Variants in TRPM1 observed in about 807,000 individuals in gnomAD.
TRPM1 encodes the protein TRPM1-203 APA Isoform, Intron 10.
In TRPM1, 113 loss-of-function variants were observed where a neutral mutation model predicts 149.4. The observed-to-expected ratio is 0.76, with a 90% CI of 0.65 to 0.88. TRPM1 has a LOEUF of 0.88. Ranked by LOEUF, TRPM1 falls within the 40% of genes least tolerant of loss-of-function variation. The pLI, the probability that TRPM1 is intolerant of heterozygous loss-of-function variation, is 0.00. For synonymous variants in TRPM1, 741 were observed against 759.5 expected, an observed-to-expected ratio of 0.98 and a Z score of 0.40; for missense variants, 1,976 against 2,038.7, an observed-to-expected ratio of 0.97 and a Z score of 0.59.
chr15:31,088,686 C>G (rs72712249), intron 1 of TRPM1, among the ~76,000 whole-genome samples: 2 of 152,064 alleles, frequency 1.3e-5, no homozygotes, highest in East Asian at 1.9e-4. Context: ...CATACTAAGC[C>G]TTTTTGGGAT....
intron 12 of TRPM1, 91 bp from the exon 13 acceptor site, chr15:31,049,600 G>A (rs754752570): frequency 9.1e-5 from 135 of 1,475,594 alleles, no homozygotes; most frequent in Non-Finnish European, 1.2e-4. Flanking sequence ...AGGGTATTCC[G>A]AACGCCAGAT....
In TRPM1 at chr15:31,071,979, ACATATATATAT is replaced by A. The variant is rs1410122463; in HGVS notation, c.84-1764_84-1754del. On this transcript the variant is annotated intron_variant, in intron 3 of 27. Coordinates refer to ENST00000256552, the MANE Select transcript of TRPM1 (RefSeq NM_001252024.2). Reference sequence around the variant, plus strand: ...ACTCCGTCTCAAAAAAAAAAAAAAAACATATATATATATATATATATATATATATATATATA... The same window carrying A: ...ACTCCGTCTCAAAAAAAAAAAAAAAAATATATATATATATATATATATATA... 3.8e-3 allele frequency among the ~76,000 whole-genome samples: 315 copies of A among 83,562 alleles called. 3 individuals are homozygous for A. The highest frequency in any genetic ancestry group is 0.016 in the African/African-American group (278 of 17,866). 54.8% of individuals were successfully genotyped at this position (83,562 alleles called of 152,430 possible).
chr15:31,128,990 G>A (rs909191695), intron 1 of TRPM1, among the ~76,000 whole-genome samples: 4 of 152,268 alleles, frequency 2.6e-5, no homozygotes, highest in African/African-American at 9.6e-5. Flanking sequence ...AGCCAGTGCT[G>A]ATGGCCACAT....
At chr15:31,092,328 T>C (rs2035261425) in intron 1 of TRPM1, among the ~76,000 whole-genome samples, 1 of 151,980 alleles carries the variant, frequency 6.6e-6, no homozygotes, top group African/African-American at 2.4e-5. Flanking sequence ...CCAGCTCTCC[T>C]GGTTTTACGA....
intron 3 of TRPM1, among the ~76,000 whole-genome samples, chr15:31,074,851 C>T (rs1420891806): frequency 2.0e-5 from 3 of 152,102 alleles, no homozygotes; most frequent in Non-Finnish European, 4.4e-5. Context: ...CCTGCATCCC[C>T]TAAGTTTTGG....
chr15:31,032,573 A>G (rs374563302), intron 22 of TRPM1, 116 bp downstream of exon 22: 1 of 1,230,630 alleles, frequency 8.1e-7, no homozygotes. Flanking sequence ...TCCTTTAAAA[A>G]GCCAACTGCA....
intron 1 of TRPM1, among the ~76,000 whole-genome samples, chr15:31,082,378 T>A (rs2034884850): frequency 6.6e-6 from 1 of 152,152 alleles, no homozygotes; most frequent in African/African-American, 2.4e-5. Flanking sequence ...GTGGAGGTCA[T>A]ACTGGAGGCG....
chr15:31,103,334 C>T (rs567983541), upstream of TRPM1, among the ~76,000 whole-genome samples: 4 of 152,182 alleles, frequency 2.6e-5, no homozygotes, highest in African/African-American at 4.8e-5. Context: ...ACAGGCCACG[C>T]GTGGCTATGG....
Position 31,057,889 on chromosome 15 carries a change from CA to C in TRPM1, c.1263+2654del, listed in dbSNP as rs371842709. Among the ~76,000 whole-genome samples the C allele has an allele frequency of 2.1e-3, 322 of 152,294 alleles. 2 individuals are homozygous for C. The highest frequency in any genetic ancestry group is 7.1e-3 in the African/African-American group (294 of 41,568). Reference sequence around the variant, plus strand: ...AATTGATGGTTTTAAAAATGTTTGGCAGCCCCTTGTGCTCTTTTCTCTCTCT... The same window carrying C: ...AATTGATGGTTTTAAAAATGTTTGGCGCCCCTTGTGCTCTTTTCTCTCTCT... On this transcript the variant is annotated intron_variant, in intron 11 of 27. Transcript: ENST00000256552.
At chr15:31,124,752 T>A (rs1441416815) in intron 1 of TRPM1, among the ~76,000 whole-genome samples, 1 of 151,052 alleles carries the variant, frequency 6.6e-6, no homozygotes, top group Non-Finnish European at 1.5e-5. Context: ...AAAAGATCAG[T>A]GAATGTCAGG....
chr15:31,029,425 T>C (rs2032956769), intron 23 of TRPM1, 34 bp from the exon 24 acceptor site: 2 of 1,612,618 alleles, frequency 1.2e-6, no homozygotes, highest in Middle Eastern at 1.6e-4. Flanking sequence ...ATTTTTGTTT[T>C]GTTTTGTTTT....
chr15:31,149,419 C>T (rs1464990470), intron 1 of TRPM1, among the ~76,000 whole-genome samples: 1 of 152,096 alleles, frequency 6.6e-6, no homozygotes, highest in East Asian at 1.9e-4. Flanking sequence ...ATGCAGCATG[C>T]ATAGGAACCA....
chr15:31,049,950 G>A (rs1205770336), intron 12 of TRPM1, among the ~76,000 whole-genome samples: 1 of 152,192 alleles, frequency 6.6e-6, no homozygotes, highest in Admixed American at 6.5e-5. Context: ...TGTCCTGGTG[G>A]CAGCAAGACC....
At chr15:31,088,893 C>G (rs968692193) in intron 1 of TRPM1, among the ~76,000 whole-genome samples, 3 of 151,906 alleles carry the variant, frequency 2.0e-5, no homozygotes, top group African/African-American at 7.3e-5. Context: ...AGCGGGAGAT[C>G]AGTGTTTGCC....
chr15:31,102,108 G>C (rs535948793), upstream of TRPM1, among the ~76,000 whole-genome samples: 1 of 152,212 alleles, frequency 6.6e-6, no homozygotes, highest in Admixed American at 6.5e-5. Flanking sequence ...GGGAGAAGGC[G>C]GCACATGGCA....
chr15:31,029,290 G>T, intron 24 of TRPM1, 81 bp downstream of exon 24: 2 of 1,416,756 alleles, frequency 1.4e-6, no homozygotes, highest in Non-Finnish European at 2.0e-6. Context: ...AACAGTTTAA[G>T]ACTACTAGTA....
intron 3 of TRPM1, among the ~76,000 whole-genome samples, chr15:31,073,263 C>A (rs959709665): frequency 2.0e-5 from 3 of 152,150 alleles, no homozygotes; most frequent in Admixed American, 2.0e-4. Flanking sequence ...GAGACGACTA[C>A]TATTTCGCCA....
Position 31,050,358 on chromosome 15 carries a change from C to T in TRPM1, c.1437+51G>A, listed in dbSNP as rs776108519. On this transcript the variant is annotated intron_variant, in intron 12 of 27. Transcript: ENST00000256552. ...AAGCAAGGACAAGAACCATCCCTTCCCCTGGGGAAGGGTGATGCCAAGCTC... is the reference window on the plus strand; with the variant it reads ...AAGCAAGGACAAGAACCATCCCTTCTCCTGGGGAAGGGTGATGCCAAGCTC... The T allele has an allele frequency of 9.3e-6, 15 of 1,613,990 alleles. No individual in the cohort carries two copies. The South Asian group carries it at 1.6e-4, about 18-fold the overall frequency.
At chr15:31,113,139 G>A (rs2035718682) in intron 1 of TRPM1, among the ~76,000 whole-genome samples, 1 of 152,104 alleles carries the variant, frequency 6.6e-6, no homozygotes, top group African/African-American at 2.4e-5. Context: ...CTCTCACTGT[G>A]TCTTCTGCCT....
Sources: gnomAD v4.1 joint callset for allele counts (sites outside exome capture counted in the v4.1 genomes callset) on GRCh38, gnomAD v4.1.1 for gene constraint, MANE v1.5 for transcripts, NCBI Gene and HGNC (gene_info 2026-07-23, HGNC 2026-07-21) for gene names.